The following PUDP variants were observed in gnomAD, a reference collection of about 807,000 sequenced individuals.
PUDP encodes pseudouridine 5'-phosphatase.
A neutral mutation model predicts 9.4 loss-of-function variants in PUDP; 8 were observed. That is an observed-to-expected ratio of 0.85 (90% CI 0.50 to 1.53). The LOEUF (loss-of-function observed/expected upper bound fraction) is 1.53, where lower values mean the gene tolerates loss of function less well. PUDP is among the 40% of genes most tolerant of loss of function. The pLI is 0.00. For synonymous variants in PUDP, 99 were observed against 80.7 expected (o/e 1.23, Z -1.22); for missense variants, 188 against 189.7 (o/e 0.99, Z 0.05).
intron 2 of PUDP, among the ~76,000 whole-genome samples, chrX:7,089,390 G>T (rs1047866889): frequency 9.0e-6 from 1 of 111,110 alleles, no homozygotes; most frequent in African/African-American, 3.3e-5. Context: ...TTTTATCTAC[G>T]TCCTCCACTG....
chrX:7,020,543 A>C (rs905854738), intron 1 of PUDP, among the ~76,000 whole-genome samples: 1 of 111,435 alleles, frequency 9.0e-6, no homozygotes, highest in African/African-American at 3.3e-5. Context: ...AGCAAACTGC[A>C]GGACCAGTTT....
chrX:7,021,656 G>A (rs1036282396), intron 1 of PUDP, among the ~76,000 whole-genome samples: 3 of 112,128 alleles, frequency 2.7e-5, no homozygotes, highest in African/African-American at 9.7e-5. Flanking sequence ...ATGGATATGA[G>A]TATGTCATAT....
At chrX:7,013,776 A>G (rs913924624) in intron 1 of PUDP, among the ~76,000 whole-genome samples, 19 of 111,147 alleles carry the variant, frequency 1.7e-4, no homozygotes, top group African/African-American at 6.2e-4. Context: ...GTGTCTGGGG[A>G]GGGGGGGTGC....
intron 3 of PUDP, among the ~76,000 whole-genome samples, chrX:7,076,196 G>A (rs1036475969): frequency 8.9e-6 from 1 of 112,010 alleles, no homozygotes; most frequent in Non-Finnish European, 1.9e-5. Context: ...CGGTAGCTCC[G>A]CTTTATTGGG....
At chrX:6,876,604 T>C (rs141726756) in intron 3 of PUDP, among the ~76,000 whole-genome samples, 1,495 of 106,656 alleles carry the variant, frequency 0.014, 30 homozygotes, top group African/African-American at 0.048. Context: ...CACTCCATCC[T>C]GGACCATAGA....
At position 7,026,176 on chromosome X, in the gene PUDP, G is replaced by T. The variant is rs1399282738; in HGVS notation, c.205-47833C>A. 2.7e-5 allele frequency among the ~76,000 whole-genome samples: 3 copies of T among 112,117 alleles called. No homozygotes were observed. The East Asian group carries it at 8.4e-4, about 32-fold the overall frequency. On this transcript the variant is annotated intron_variant and NMD_transcript_variant, in intron 1 of 3. Transcript: ENST00000655425. Reference sequence around the variant, plus strand: ...GACCTTCCAAGGGCCCCAGCAGCCTGCCCAAGGCTTCACTATCCTTGCAAC... The same window carrying T: ...GACCTTCCAAGGGCCCCAGCAGCCTTCCCAAGGCTTCACTATCCTTGCAAC...
downstream of PUDP, among the ~76,000 whole-genome samples, chrX:7,046,466 G>T (rs1214038287): frequency 2.7e-5 from 3 of 112,301 alleles, no homozygotes; most frequent in African/African-American, 9.7e-5. Flanking sequence ...AAATACTCTA[G>T]CCTGAGGTAT....
Position 6,746,686 on chromosome X carries a change from C to T in PUDP, c.*248-40220G>A, listed in dbSNP as rs762200219. Among the ~76,000 whole-genome samples the T allele has an allele frequency of 2.0e-3, 227 of 110,843 alleles. 2 individuals are homozygous for T. Among genetic ancestry groups the T allele is most frequent in the African/African-American group, 7.1e-3 (215 of 30,423 alleles). Reference sequence around the variant, plus strand: ...GTGGTGTTTGGTTTTTCTGTTCCTCCGTTAGTTTGCTGAGGATAATGGTTT... The same window carrying T: ...GTGGTGTTTGGTTTTTCTGTTCCTCTGTTAGTTTGCTGAGGATAATGGTTT... On this transcript the variant is annotated intron_variant and NMD_transcript_variant, in intron 3 of 3. Coordinates refer to the PUDP transcript ENST00000655425.
At chrX:6,767,670 T>C (rs1422091291) in intron 3 of PUDP, among the ~76,000 whole-genome samples, 1 of 111,886 alleles carries the variant, frequency 8.9e-6, no homozygotes, top group Non-Finnish European at 1.9e-5. Context: ...TGAAGAAAGA[T>C]TCAAATTTGC....
intron 1 of PUDP, among the ~76,000 whole-genome samples, chrX:7,033,061 G>A (rs1193106695): frequency 8.9e-6 from 1 of 111,792 alleles, no homozygotes; most frequent in Non-Finnish European, 1.9e-5. Flanking sequence ...ATAAAAGCAG[G>A]CAGAGGAACG....
At chrX:7,102,046 A>G (rs756408029) in intron 2 of PUDP, among the ~76,000 whole-genome samples, 1 of 111,340 alleles carries the variant, frequency 9.0e-6, no homozygotes, top group South Asian at 3.8e-4. Flanking sequence ...TAGTAAGGAG[A>G]CTGAATCAGT....
rs139086456 is a variant in PUDP, at chrX:7,077,835, C to T, written c.281-386G>A. On this transcript the variant is annotated intron_variant, in intron 2 of 3. Coordinates refer to ENST00000381077, the MANE Select transcript of PUDP (RefSeq NM_012080.5). ...CGGGGAAGGCCCTTCAGCAGGGCCT[C>T]GCTGAACCATACTTTTTTTTCCAGA... Among the ~76,000 whole-genome samples, 628 of 112,246 alleles carry T rather than the reference C, an allele frequency of 5.6e-3. 5 individuals carry two copies. The highest frequency in any genetic ancestry group is 0.019 in the African/African-American group (599 of 30,905).
At chrX:6,899,732 C>T (rs993472753) in intron 3 of PUDP, among the ~76,000 whole-genome samples, 1 of 110,126 alleles carries the variant, frequency 9.1e-6, no homozygotes. Flanking sequence ...TAACCATGTA[C>T]GATAATTTTG....
intron 3 of PUDP, among the ~76,000 whole-genome samples, chrX:6,846,917 T>C (rs974527040): frequency 9.0e-6 from 1 of 110,949 alleles, no homozygotes; most frequent in Admixed American, 9.6e-5. Context: ...CATGCCTAGT[T>C]TCACCAAATA....
chrX:6,887,153 AATTTAATTTATTTATAATTAAATAT>A (rs1393879899), intron 3 of PUDP, among the ~76,000 whole-genome samples: 23 of 41,251 alleles, frequency 5.6e-4, no homozygotes, highest in Non-Finnish European at 8.6e-4. Flanking sequence ...TTAATTATTT[AATTTAATTTATTTATAATTAAATAT>A]ATTTATTTAT....
At chrX:6,930,812 C>G (rs886123389) in intron 3 of PUDP, among the ~76,000 whole-genome samples, 4 of 110,899 alleles carry the variant, frequency 3.6e-5, no homozygotes, top group African/African-American at 1.3e-4. Context: ...TCCTTTAGAT[C>G]AAGGTCTGAG....
At chrX:6,813,468 C>T (rs1045997536) in intron 3 of PUDP, among the ~76,000 whole-genome samples, 18 of 111,418 alleles carry the variant, frequency 1.6e-4, no homozygotes, top group Non-Finnish European at 1.9e-5. Context: ...ACAGAGACTT[C>T]CTTCCAAAGA....
intron 3 of PUDP, among the ~76,000 whole-genome samples, chrX:6,843,819 T>G (rs1411565589): frequency 8.9e-6 from 1 of 112,749 alleles, no homozygotes; most frequent in Non-Finnish European, 1.9e-5. Flanking sequence ...GAGTGAAACT[T>G]GAATTTACCT....
At chrX:7,089,835 C>G (rs1931370959) in intron 2 of PUDP, among the ~76,000 whole-genome samples, 1 of 111,644 alleles carries the variant, frequency 9.0e-6, no homozygotes, top group Admixed American at 9.5e-5. Flanking sequence ...TTATTGGCCC[C>G]TGATAGCAAA....
Sources: allele counts gnomAD v4.1 joint callset (sites outside exome capture counted in the v4.1 genomes callset), GRCh38; gene constraint gnomAD v4.1.1; transcripts MANE v1.5; gene names NCBI Gene and HGNC (gene_info 2026-07-23, HGNC 2026-07-21).